AFF3: variants seen among roughly 807,000 people sequenced by gnomAD.
The protein encoded by AFF3 is AF4/FMR2 family member 3.
AFF3 carries 32 observed loss-of-function variants against 129.7 expected under a neutral mutation model. The ratio of observed to expected loss-of-function variants is 0.25; its 90% CI spans 0.19 to 0.33. AFF3 has a LOEUF of 0.33. Ranked by LOEUF, AFF3 falls within the 10% of genes least tolerant of loss-of-function variation. The pLI is 1.00. For missense variants in AFF3, 1,373 were observed against 1,592.0 expected (o/e 0.86, Z 2.34); for synonymous variants, 644 against 635.4 (o/e 1.01, Z -0.20).
rs76638018 is a variant in AFF3, at chr2:99,932,156, C to T, written c.873+74476G>A. 4.6e-5 allele frequency among the ~76,000 whole-genome samples: 7 copies of T among 152,294 alleles called. No individual in the cohort carries two copies. In the South Asian group the frequency reaches 6.2e-4, roughly 14 times the overall value. On this transcript the variant is annotated intron_variant, in intron 7 of 24. Transcript: ENST00000672756. ...ATGCAGGCCAGGATGGCTTTGAATA[C>T]GGCCCAATACAAATTTATAAACTTT...
At chr2:99,583,070 C>T (rs553124051) in intron 16 of AFF3, 71 bp from the exon 17 acceptor site, 3 of 1,407,768 alleles carry the variant, frequency 2.1e-6, no homozygotes, top group East Asian at 2.3e-5. Flanking sequence ...TTTCATATGA[C>T]CCAAACCACC....
intron 11 of AFF3, among the ~76,000 whole-genome samples, chr2:99,681,908 A>ATTTTT (rs35944169): frequency 7.2e-6 from 1 of 139,540 alleles, no homozygotes; most frequent in Non-Finnish European, 1.5e-5. Context: ...CCTTAATTCT[A>ATTTTT]TTTTTTTTTT....
At chr2:99,662,548 G>A (rs1012378109) in intron 12 of AFF3, among the ~76,000 whole-genome samples, 11 of 152,084 alleles carry the variant, frequency 7.2e-5, no homozygotes, top group African/African-American at 2.4e-4. Flanking sequence ...TTATCATAAC[G>A]AATATTACTA....
chr2:99,868,878 G>C (rs1006445925), intron 7 of AFF3, among the ~76,000 whole-genome samples: 1 of 152,114 alleles, frequency 6.6e-6, no homozygotes, highest in Non-Finnish European at 1.5e-5. Context: ...CTGCAGACTC[G>C]ACCTTGTGGG....
At chr2:100,083,657 C>T (rs1009469376) in intron 4 of AFF3, among the ~76,000 whole-genome samples, 4 of 152,180 alleles carry the variant, frequency 2.6e-5, no homozygotes, top group Non-Finnish European at 5.9e-5. Context: ...AGCGGGGTCA[C>T]GGCTGCCTTT....
Position 100,121,304 on chromosome 2 carries a change from C to T in AFF3, c.-145+7920G>A, listed in dbSNP as rs544907537. Among the ~76,000 whole-genome samples the T allele has an allele frequency of 5.3e-5, 8 of 152,286 alleles. No individual in the cohort carries two copies. In the South Asian group the frequency reaches 1.7e-3, roughly 32 times the overall value. ...GGCTTCGGAGAATATAGTTGAACAT[C>T]GGAGAGAAGTGGTTTGACTTCAGAG... On this transcript the variant is annotated intron_variant, in intron 2 of 24. Coordinates refer to ENST00000672756, the MANE Select transcript of AFF3 (RefSeq NM_001386135.1).
At chr2:99,752,861 C>T (rs1681775840) in intron 8 of AFF3, among the ~76,000 whole-genome samples, 1 of 152,094 alleles carries the variant, frequency 6.6e-6, no homozygotes, top group Non-Finnish European at 1.5e-5. Flanking sequence ...TTTCTTATAA[C>T]ACAGTATTAA....
At chr2:100,135,464 C>T (rs1692598582) in intron 1 of AFF3, among the ~76,000 whole-genome samples, 1 of 152,144 alleles carries the variant, frequency 6.6e-6, no homozygotes, top group Admixed American at 6.5e-5. Context: ...ACCACCAAAA[C>T]ATGGCCATTC....
intron 7 of AFF3, among the ~76,000 whole-genome samples, chr2:99,843,477 A>G (rs1347231688): frequency 2.6e-5 from 4 of 152,256 alleles, no homozygotes; most frequent in African/African-American, 9.6e-5. Context: ...CAGAGCATCA[A>G]AATGAGATAT....
At chr2:100,042,322 G>A (rs13423788) in intron 4 of AFF3, among the ~76,000 whole-genome samples, 4,798 of 152,186 alleles carry the variant, frequency 0.032, 272 homozygotes, top group African/African-American at 0.11. Context: ...TATGCGCCCC[G>A]CACTCACTTC....
intron 13 of AFF3, among the ~76,000 whole-genome samples, chr2:99,637,708 T>A (rs952746428): frequency 6.6e-5 from 10 of 152,268 alleles, no homozygotes; most frequent in African/African-American, 1.9e-4. Flanking sequence ...ATAGATATTT[T>A]AAAAAAAGAA....
intron 7 of AFF3, among the ~76,000 whole-genome samples, chr2:100,000,516 A>C (rs369410344): frequency 9.7e-4 from 139 of 144,000 alleles, no homozygotes; most frequent in South Asian, 4.0e-3. Context: ...ACGCGCGCAC[A>C]CACACACACA....
At chr2:100,111,113 C>T (rs933183620) in intron 2 of AFF3, among the ~76,000 whole-genome samples, 3 of 152,166 alleles carry the variant, frequency 2.0e-5, no homozygotes, top group Non-Finnish European at 4.4e-5. Flanking sequence ...CTTCATATAA[C>T]CCTACCATCT....
intron 13 of AFF3, among the ~76,000 whole-genome samples, chr2:99,606,786 C>T (rs1420958308): frequency 5.3e-5 from 8 of 151,768 alleles, no homozygotes; most frequent in South Asian, 2.1e-4. Flanking sequence ...TGGTGGCAGG[C>T]ACCTGTAGTC....
chr2:100,091,244 C>T (rs1461417758), intron 4 of AFF3, among the ~76,000 whole-genome samples: 1 of 152,088 alleles, frequency 6.6e-6, no homozygotes, highest in Non-Finnish European at 1.5e-5. Flanking sequence ...AGAGATAATA[C>T]ATACCTGTGA....
intron 7 of AFF3, among the ~76,000 whole-genome samples, chr2:99,851,015 C>T (rs1457478068): frequency 6.6e-6 from 1 of 152,042 alleles, no homozygotes; most frequent in Non-Finnish European, 1.5e-5. Flanking sequence ...ATAAAAGATG[C>T]CATCCATAAA....
At chr2:100,084,907 A>C (rs1221644242) in intron 4 of AFF3, among the ~76,000 whole-genome samples, 1 of 146,854 alleles carries the variant, frequency 6.8e-6, no homozygotes, top group Non-Finnish European at 1.5e-5. Context: ...TATTTTCAAA[A>C]AGAATAGCTT....
At chr2:100,055,140 T>C (rs971476938) in intron 4 of AFF3, among the ~76,000 whole-genome samples, 1 of 152,162 alleles carries the variant, frequency 6.6e-6, no homozygotes, top group Non-Finnish European at 1.5e-5. Flanking sequence ...TTCACATCCA[T>C]TTCACTGGGT....
chr2:100,111,509 T>C (rs1305773099), intron 2 of AFF3, among the ~76,000 whole-genome samples: 3 of 152,246 alleles, frequency 2.0e-5, no homozygotes, highest in African/African-American at 7.2e-5. Context: ...TTTATTTTCA[T>C]GTTATTTGTT....
Sources: gnomAD v4.1 joint callset for allele counts (sites outside exome capture counted in the v4.1 genomes callset) on GRCh38, gnomAD v4.1.1 for gene constraint, MANE v1.5 for transcripts, NCBI Gene and HGNC (gene_info 2026-07-23, HGNC 2026-07-21) for gene names.